The following USH2A variants were observed in gnomAD, a reference collection of about 807,000 sequenced individuals.
USH2A encodes usherin.
Under a neutral mutation model 538.9 loss-of-function variants are expected in USH2A, and 443 were observed. The observed-to-expected ratio is 0.82, with a 90% confidence interval of 0.76 to 0.89. USH2A has a LOEUF of 0.89. USH2A is among the 40% of genes least tolerant of loss of function. USH2A has a pLI of 0.00. For synonymous variants in USH2A, 2,413 were observed against 2,273.5 expected, an observed-to-expected ratio of 1.06 and a Z score of -1.75; for missense variants, 6,633 against 6,324.8, an observed-to-expected ratio of 1.05 and a Z score of -1.65.
intron 3 of USH2A, among the ~76,000 whole-genome samples, chr1:216,413,061 T>G (rs2039515553): frequency 6.6e-6 from 1 of 152,086 alleles, no homozygotes; most frequent in Non-Finnish European, 1.5e-5. Flanking sequence ...CTTCATTATA[T>G]TCTATTGATC....
chr1:215,741,719 T>C lies in USH2A; in HGVS notation c.11549-182A>G, dbSNP rs541383656. Among the ~76,000 whole-genome samples, 17 of 152,320 alleles carry C rather than the reference T, an allele frequency of 1.1e-4. No homozygotes were observed. In the South Asian group the frequency reaches 2.9e-3, roughly 26 times the overall value. ...GAACATTTAAATAGAAAATTATTTTTGGAAAACCCATTAATTAGTCACATA... is the reference window on the plus strand; with the variant it reads ...GAACATTTAAATAGAAAATTATTTTCGGAAAACCCATTAATTAGTCACATA... On this transcript the variant is annotated intron_variant, in intron 59 of 71. Transcript: ENST00000307340.
At position 216,345,011 on chromosome 1, in the gene USH2A, T is replaced by C. The variant is rs553550441; in HGVS notation, c.785-17357A>G. 5.3e-5 allele frequency among the ~76,000 whole-genome samples: 8 copies of C among 151,720 alleles called. No homozygotes were observed. In the East Asian group the frequency reaches 1.2e-3, roughly 22 times the overall value. ...GAGCTTTTTCCTCCCAAAAGGGGGA[T>C]GTTTGAGAGCTAATGGGACTACTGG... is the stretch of plus-strand genomic sequence containing the variant. On this transcript the variant is annotated intron_variant, in intron 4 of 71. Coordinates refer to ENST00000307340, the MANE Select transcript of USH2A (RefSeq NM_206933.4).
intron 49 of USH2A, among the ~76,000 whole-genome samples, chr1:215,800,882 C>A (rs573477451): frequency 6.6e-6 from 1 of 151,992 alleles, no homozygotes; most frequent in African/African-American, 2.4e-5. Flanking sequence ...AAATCTTCAA[C>A]AAAATACTAG....
chr1:216,293,396 T>G (rs1261388104), intron 9 of USH2A, among the ~76,000 whole-genome samples: 1 of 152,186 alleles, frequency 6.6e-6, no homozygotes, highest in African/African-American at 2.4e-5. Flanking sequence ...ATTTTAACTT[T>G]TATGCTTTTA....
At chr1:215,764,084 A>G (rs1661060810) in intron 56 of USH2A, among the ~76,000 whole-genome samples, 1 of 152,096 alleles carries the variant, frequency 6.6e-6, no homozygotes, top group Admixed American at 6.6e-5. Context: ...CTAAATATAA[A>G]CATGTAGTAG....
At position 216,198,418 on chromosome 1, in the gene USH2A, G is replaced by A; in HGVS notation, c.3978C>T (p.Ile1326=). The A allele has an allele frequency of 6.2e-7, 1 of 1,614,036 alleles. No homozygotes were observed. Among genetic ancestry groups the A allele is most frequent in the Non-Finnish European group, 8.5e-7 (1 of 1,179,966 alleles). The change falls in exon 18 of 72, where the codon ATC becomes ATT. Residue 1326 remains isoleucine (I), a synonymous_variant. Transcript: ENST00000307340. ...ACTTGGTGTATGGCTCCAAGCCAGT[G>A]ATGGTTGTCATTGTTTGAGGAGGTT... ...ALKPPQTMTT[I]TGLEPYTKYE...
intron 38 of USH2A, among the ~76,000 whole-genome samples, chr1:215,930,946 T>G (rs188061338): frequency 1.4e-4 from 22 of 152,138 alleles, no homozygotes; most frequent in African/African-American, 5.3e-4. Context: ...AATATATCCT[T>G]TATTTCCAAG....
In USH2A at chr1:216,227,157, G is replaced by C. The variant is rs367661445; in HGVS notation, c.2993+4796C>G. 3.3e-5 allele frequency among the ~76,000 whole-genome samples: 5 copies of C among 152,064 alleles called. No individual in the cohort carries two copies. The South Asian group carries it at 8.3e-4, about 25-fold the overall frequency. ...CTTTATAGACCTTGTCTTTGATTTG[G>C]ATGAGAATTTAATAGTCACATAACT... On this transcript the variant is annotated intron_variant, in intron 14 of 71. Transcript: ENST00000307340.
At chr1:215,829,908 A>G (rs1172694007) in intron 47 of USH2A, among the ~76,000 whole-genome samples, 2 of 152,096 alleles carry the variant, frequency 1.3e-5, no homozygotes, top group African/African-American at 4.8e-5. Context: ...AAGAAAGAAA[A>G]CTGTGGTGGA....
intron 13 of USH2A, among the ~76,000 whole-genome samples, chr1:216,244,094 T>C (rs2035987619): frequency 6.6e-6 from 1 of 152,112 alleles, no homozygotes; most frequent in African/African-American, 2.4e-5. Context: ...GTTCACTGAG[T>C]GATGGAGAAT....
chr1:215,710,224 T>C (rs2102697585), intron 61 of USH2A, among the ~76,000 whole-genome samples: 1 of 152,298 alleles, frequency 6.6e-6, no homozygotes, highest in South Asian at 2.1e-4. Context: ...GGAAGAATTT[T>C]CCTTGTCTCA....
chr1:216,096,726 A>G (rs2032449634), intron 22 of USH2A, among the ~76,000 whole-genome samples: 1 of 152,228 alleles, frequency 6.6e-6, no homozygotes, highest in Non-Finnish European at 1.5e-5. Flanking sequence ...TGAAAAAAGA[A>G]AGACAGGGAA....
chr1:216,003,105 T>C (rs1291054833), intron 32 of USH2A, among the ~76,000 whole-genome samples: 1 of 152,062 alleles, frequency 6.6e-6, no homozygotes, highest in Non-Finnish European at 1.5e-5. Context: ...TCCGTTTCTA[T>C]AACAACTGGG....
chr1:215,829,115 C>A (rs904403794), intron 47 of USH2A, among the ~76,000 whole-genome samples: 1 of 151,894 alleles, frequency 6.6e-6, no homozygotes, highest in Admixed American at 6.6e-5. Flanking sequence ...AGTTAGTATT[C>A]TTTTGGGATA....
At chr1:215,720,686 T>C (rs577008189) in intron 61 of USH2A, among the ~76,000 whole-genome samples, 1 of 152,268 alleles carries the variant, frequency 6.6e-6, no homozygotes, top group Non-Finnish European at 1.5e-5. Context: ...ATTGGCTGCC[T>C]GCTTGGGAGA....
chr1:216,266,941 T>C (rs2036484518), intron 11 of USH2A, among the ~76,000 whole-genome samples: 1 of 151,440 alleles, frequency 6.6e-6, no homozygotes, highest in Non-Finnish European at 1.5e-5. Flanking sequence ...TAATATTTTA[T>C]ATATATATAT....
intron 32 of USH2A, among the ~76,000 whole-genome samples, chr1:216,010,631 A>G (rs1250184816): frequency 9.2e-5 from 14 of 151,864 alleles, no homozygotes; most frequent in Admixed American, 6.6e-5. Flanking sequence ...CCTTGCCTCC[A>G]TAACTGTTGC....
intron 21 of USH2A, among the ~76,000 whole-genome samples, chr1:216,112,646 T>C (rs2032903556): frequency 6.6e-6 from 1 of 152,090 alleles, no homozygotes; most frequent in Non-Finnish European, 1.5e-5. Context: ...CCAGTGTCTG[T>C]TGTTCCTTTG....
chr1:215,780,059 A>C lies in USH2A; in HGVS notation c.10741-18T>G. 6.2e-7 allele frequency: 1 copy of C among 1,613,860 alleles called. No individual in the cohort carries two copies. Among genetic ancestry groups the C allele is most frequent in the Non-Finnish European group, 8.5e-7 (1 of 1,179,836 alleles). ...GCAACTACCTGAAGACGTAGGAATT[A>C]AGCAGCAATTTATTGTAATAGTGCA... On this transcript the variant is annotated intron_variant, in intron 54 of 71. Coordinates refer to ENST00000307340, the MANE Select transcript of USH2A (RefSeq NM_206933.4).
Sources: allele counts gnomAD v4.1 joint callset (sites outside exome capture counted in the v4.1 genomes callset), GRCh38; gene constraint gnomAD v4.1.1; transcripts MANE v1.5; gene names NCBI Gene and HGNC (gene_info 2026-07-23, HGNC 2026-07-21).